The following SPTBN4 variants were observed in gnomAD, a reference collection of about 807,000 sequenced individuals.
SPTBN4 encodes the protein spectrin beta chain, non-erythrocytic 4.
In SPTBN4, 96 loss-of-function variants were observed where a neutral mutation model predicts 277.8. That is an observed-to-expected ratio of 0.35 (90% confidence interval 0.29 to 0.41). SPTBN4 has a LOEUF of 0.41. SPTBN4 is among the 10% of genes least tolerant of loss of function. The pLI is 1.00. For synonymous variants in SPTBN4, 1,481 were observed against 1,580.3 expected, an observed-to-expected ratio of 0.94 and a Z score of 1.49; for missense variants, 3,006 against 3,595.7, an observed-to-expected ratio of 0.84 and a Z score of 4.19.
Position 40,568,149 on chromosome 19 carries a change from C to A in SPTBN4, c.6823C>A (p.His2275Asn), listed in dbSNP as rs1568380941. The A allele has an allele frequency of 2.5e-6, 4 of 1,578,408 alleles. No individual in the cohort carries two copies. Among genetic ancestry groups the A allele is most frequent in the East Asian group, 4.6e-5 (2 of 43,056 alleles). The change falls in exon 31 of 36, where the codon CAC (histidine) becomes AAC (asparagine). Residue 2275 changes from histidine to asparagine, a missense_variant. By Grantham distance (68) the His-to-Asn change is moderately conservative (BLOSUM62 1). Transcript: ENST00000598249. ...RRPERQESAE[H>N]EAAHSLTLGR... The stretch of plus-strand genomic sequence containing the variant: ...GCCGGAGCGGCAGGAGTCAGCGGAG[C>A]ACGAGGCGGCACACAGCCTTACCCT...
chr19:40,514,342 T>C (rs144168142), intron 14 of SPTBN4, among the ~76,000 whole-genome samples: 8 of 152,176 alleles, frequency 5.3e-5, no homozygotes, highest in African/African-American at 1.2e-4. Context: ...TAGCTTAAAG[T>C]AGACCTCAGT....
chr19:40,544,937 C>T (rs1221808384), intron 20 of SPTBN4, among the ~76,000 whole-genome samples: 2 of 151,776 alleles, frequency 1.3e-5, no homozygotes, highest in African/African-American at 4.8e-5. Context: ...GCTGGGATTA[C>T]AGGCATGAGC....
chr19:40,536,511 GC>G (rs1437705275), intron 20 of SPTBN4, among the ~76,000 whole-genome samples: 10 of 152,268 alleles, frequency 6.6e-5, no homozygotes, highest in South Asian at 2.1e-4. Flanking sequence ...ACTGTGCCCG[GC>G]CAATGAGGTC....
intron 27 of SPTBN4, 52 bp from the exon 28 acceptor site, chr19:40,565,371 C>G: frequency 6.3e-7 from 1 of 1,575,498 alleles, no homozygotes; most frequent in South Asian, 1.2e-5. Flanking sequence ...ATGTATGGGG[C>G]AGGCTGAGGA....
chr19:40,574,826 C>T (rs1183175041), intron 35 of SPTBN4, among the ~76,000 whole-genome samples: 1 of 152,028 alleles, frequency 6.6e-6, no homozygotes, highest in East Asian at 1.9e-4. Flanking sequence ...ACCAGTGTGG[C>T]CAACGTGGCG....
rs192917425 is a variant in SPTBN4 at position 40,565,189 on chromosome 19, C to T, written c.5916-234C>T. Among the ~76,000 whole-genome samples the T allele has an allele frequency of 4.1e-3, 622 of 151,636 alleles. 2 individuals are homozygous for T. Among genetic ancestry groups the T allele is most frequent in the African/African-American group, 0.014 (594 of 41,344 alleles). On this transcript the variant is annotated intron_variant, in intron 27 of 35. Transcript: ENST00000598249. ...CTGAGGCAGGAGAATCGCCTGAACTCGGGAGGTGGAGTTTGCAGTGAGCCG... is the reference window on the plus strand; with the variant it reads ...CTGAGGCAGGAGAATCGCCTGAACTTGGGAGGTGGAGTTTGCAGTGAGCCG...
In SPTBN4 at chr19:40,565,559, G is replaced by A. The variant is rs776052064; in HGVS notation, c.6052G>A (p.Glu2018Lys). Residue 2018 changes from glutamate (E) to lysine (K), a missense_variant and splice_region_variant, in exon 28 of 36, where the codon GAG becomes AAG. Transcript: ENST00000598249. ...GCTCAACAAAAGTGCCATGGCTGAT[G>A]AGGTGGGGAGCAGGGAGGGGGTCCC... ...LLLNKSAMAD[E>K]IQAQLDKLGT... 2 of 1,613,512 alleles carry A rather than the reference G, an allele frequency of 1.2e-6. No individual in the cohort carries two copies. The highest frequency in any genetic ancestry group is 1.7e-6 in the Non-Finnish European group (2 of 1,179,686).
Position 40,568,078 on chromosome 19 carries a change from G to C in SPTBN4, c.6752G>C (p.Arg2251Pro). 6.4e-7 allele frequency: 1 copy of C among 1,562,936 alleles called. No individual in the cohort carries two copies. The highest frequency in any genetic ancestry group is 1.4e-5 in the African/African-American group (1 of 73,832). ...EELPRRRRPERQESVDQSEEA... is the reference protein window; with the variant it reads ...EELPRRRRPEPQESVDQSEEA... ...CTGCCCAGGAGGCGGCGGCCTGAGC[G>C]GCAAGAGTCAGTCGATCAATCCGAG... The change falls in exon 31 of 36, where the codon CGG becomes CCG. Residue 2251 changes from arginine (R) to proline (P), a missense_variant. Arg to Pro is a moderately radical substitution (Grantham distance 103). Transcript: ENST00000598249.
intron 16 of SPTBN4, among the ~76,000 whole-genome samples, 184 bp downstream of exon 16, chr19:40,520,335 G>A (rs1361466643): frequency 6.6e-6 from 1 of 152,236 alleles, no homozygotes; most frequent in Admixed American, 6.5e-5. Context: ...AGTGTGTGTG[G>A]AAGTGTGTAT....
At position 40,495,650 on chromosome 19, in the gene SPTBN4, A is replaced by AC. The variant is rs1260782908; in HGVS notation, c.668+680dup. ...GCAACAGAGTGAGACTCCACCCCTA[A>AC]CCCCCCCACCACCACCAAAAAAAAG... On this transcript the variant is annotated intron_variant, in intron 6 of 35. Transcript: ENST00000598249. Among the ~76,000 whole-genome samples, 4 of 149,888 alleles carry AC rather than the reference A, an allele frequency of 2.7e-5. No homozygotes were observed. The South Asian group carries it at 6.3e-4, about 24-fold the overall frequency.
At chr19:40,517,384 C>T (rs1001249604) in intron 15 of SPTBN4, among the ~76,000 whole-genome samples, 6 of 151,920 alleles carry the variant, frequency 3.9e-5, no homozygotes, top group South Asian at 2.1e-4. Flanking sequence ...TCACCGCCCC[C>T]GACCCGAGCT....
At chr19:40,536,878 G>A (rs1599778879) in intron 20 of SPTBN4, among the ~76,000 whole-genome samples, 1 of 152,090 alleles carries the variant, frequency 6.6e-6, no homozygotes, top group East Asian at 1.9e-4. Context: ...CTCAACCTCT[G>A]GGGCTCAAGT....
chr19:40,570,413 C>A, intron 32 of SPTBN4, 23 bp from the exon 33 acceptor site: 1 of 1,541,048 alleles, frequency 6.5e-7, no homozygotes. Flanking sequence ...GACAGCACCC[C>A]TCTTCCCCCT....
chr19:40,469,445 A>G (rs2079860486), intron 1 of SPTBN4, among the ~76,000 whole-genome samples: 1 of 150,668 alleles, frequency 6.6e-6, no homozygotes, highest in Admixed American at 6.6e-5. Context: ...TTGTGTTTTT[A>G]GTAGAGATGG....
At chr19:40,522,609 C>T (rs893499977) in intron 16 of SPTBN4, among the ~76,000 whole-genome samples, 36 of 151,726 alleles carry the variant, frequency 2.4e-4, no homozygotes, top group Non-Finnish European at 4.1e-4. Context: ...ACCTCGGCCT[C>T]CCAAAGTGCT....
At chr19:40,566,013 G>T (rs1599818829) in intron 29 of SPTBN4, 150 bp from the exon 30 acceptor site, 1 of 835,144 alleles carries the variant, frequency 1.2e-6, no homozygotes, top group East Asian at 2.7e-5. Context: ...CACTGAAATA[G>T]CCCCAGCCTC....
chr19:40,512,878 C>T lies in SPTBN4; in HGVS notation c.2089C>T (p.Leu697Phe). Residue 697 changes from leucine to phenylalanine, a missense_variant, in exon 14 of 36, where the codon CTC becomes TTC. Physicochemically the swap from Leu to Phe is conservative, Grantham distance 22. This residue lies in a region of SPTBN4 where 1,759 missense variants were observed against 2,061.5 expected (regional missense o/e 0.85). Transcript: ENST00000598249. ...GAHDLSSTAR[L>F]LAQHKILQGE... ...GCATGACCTGTCCAGCACAGCGCGC[C>T]TCCTGGCCCAGCACAAGATCCTGCA... is the stretch of plus-strand genomic sequence containing the variant. The T allele has an allele frequency of 1.4e-6, 2 of 1,446,072 alleles. No individual in the cohort carries two copies. The highest frequency in any genetic ancestry group is 1.8e-6 in the Non-Finnish European group (2 of 1,111,450). The allele number at this position is 1,446,072 out of a possible 1,614,324, so 89.6% of individuals were successfully genotyped here. A position where few individuals can be genotyped will look rare whatever the true frequency, so the allele number is the denominator to read the frequency against.
chr19:40,519,674 G>T lies in SPTBN4; in HGVS notation c.3177G>T (p.Leu1059=). 7.2e-7 allele frequency: 1 copy of T among 1,391,984 alleles called. No homozygotes were observed. Among genetic ancestry groups the T allele is most frequent in the Non-Finnish European group, 9.2e-7 (1 of 1,084,108 alleles). The allele number at this position is 1,391,984 out of a possible 1,614,324, so 86.2% of individuals were successfully genotyped here. A position where few individuals can be genotyped will look rare whatever the true frequency, so the allele number is the denominator to read the frequency against. The change falls in exon 16 of 36, where the codon CTG becomes CTT. Residue 1059 remains leucine (L), a synonymous_variant. Transcript: ENST00000598249. The surrounding 1 kb of genome is among the most constrained non-coding windows in gnomAD (Gnocchi z 5.7). Reference sequence around the variant, plus strand: ...GCTTCCCGGCGCAGGCGGCGCGGCTGCACCAGGGCGCGGAGGAGCTGGGCG... The same window carrying T: ...GCTTCCCGGCGCAGGCGGCGCGGCTTCACCAGGGCGCGGAGGAGCTGGGCG... ...AERFPAQAAR[L]HQGAEELGAE... is the part of the protein sequence containing the mutation.
chr19:40,490,130 C>T lies in SPTBN4; in HGVS notation c.377C>T (p.Ala126Val). 7 of 1,614,074 alleles carry T rather than the reference C, an allele frequency of 4.3e-6. No individual in the cohort carries two copies. Among genetic ancestry groups the T allele is most frequent in the Non-Finnish European group, 5.9e-6 (7 of 1,179,974 alleles). The part of the protein sequence containing the change: ...RIHSLENVDK[A>V]LQFLKEQRVH... ...CACTCACTGGAGAACGTGGACAAGG[C>T]GCTGCAGTTTCTGAAGGAGCAGCGC... Residue 126 changes from alanine (A) to valine (V), a missense_variant, in exon 4 of 36, where the codon GCG becomes GTG. Physicochemically the swap from Ala to Val is moderately conservative, Grantham distance 64. Transcript: ENST00000598249. This position sits in a 1 kb window ranked among gnomAD's most constrained non-coding sequence, Gnocchi z 4.3.
Sources: allele counts gnomAD v4.1 joint callset (sites outside exome capture counted in the v4.1 genomes callset), GRCh38; gene constraint gnomAD v4.1.1; regional missense constraint gnomAD v4.1.1; non-coding constraint Gnocchi (gnomAD v3.1); transcripts MANE v1.5; gene names NCBI Gene and HGNC (gene_info 2026-07-23, HGNC 2026-07-21).